TET1: variants seen among roughly 807,000 people sequenced by gnomAD.
The protein encoded by TET1 is methylcytosine dioxygenase TET1.
Under a neutral mutation model 148.7 loss-of-function variants are expected in TET1, and 13 were observed. That is an observed-to-expected ratio of 0.09 (90% CI 0.06 to 0.14). The LOEUF is 0.14. TET1 is among the 10% of genes least tolerant of loss of function. TET1 has a pLI of 1.00. For synonymous variants in TET1, 907 were observed against 937.2 expected (o/e 0.97, Z 0.59); for missense variants, 2,182 against 2,553.8 (o/e 0.85, Z 3.14).
intron 8 of TET1, among the ~76,000 whole-genome samples, chr10:68,679,696 CAG>C (rs2055410445): frequency 1.3e-5 from 2 of 152,030 alleles, no homozygotes; most frequent in African/African-American, 4.8e-5. Flanking sequence ...TTTTTTGAGA[CAG>C]AGTCTGGCTC....
intron 6 of TET1, among the ~76,000 whole-genome samples, chr10:68,659,436 A>G (rs989688383): frequency 1.3e-4 from 20 of 152,002 alleles, no homozygotes; most frequent in African/African-American, 4.1e-4. Context: ...CTCCAGCCTC[A>G]GCCTCTCGAG....
intron 3 of TET1, among the ~76,000 whole-genome samples, chr10:68,634,909 G>T (rs1007527032): frequency 6.6e-6 from 1 of 151,918 alleles, no homozygotes; most frequent in Non-Finnish European, 1.5e-5. Flanking sequence ...TTACAGGTGT[G>T]TGCCACCATG....
rs752525372 is a variant in TET1 at position 68,691,000 on chromosome 10, C to G, written c.5597C>G (p.Ala1866Gly). 1.9e-6 allele frequency: 3 copies of G among 1,614,220 alleles called. No individual in the cohort carries two copies. The highest frequency in any genetic ancestry group is 2.7e-5 in the African/African-American group (2 of 75,056). ...SATPAPLKNDATASCGFSERS... is the reference protein window; with the variant it reads ...SATPAPLKNDGTASCGFSERS... ...ACACCAGCTCCACTGAAGAATGACG[C>G]AACAGCCTCATGCGGGTTTTCAGAA... The change falls in exon 12 of 12, where the codon GCA (alanine) becomes GGA (glycine). Residue 1866 changes from alanine to glycine, a missense_variant. By Grantham distance (60) the Ala-to-Gly change is moderately conservative (BLOSUM62 0). Coordinates refer to ENST00000373644, the MANE Select transcript of TET1 (RefSeq NM_030625.3).
intron 2 of TET1, among the ~76,000 whole-genome samples, chr10:68,597,536 G>T (rs1028311935): frequency 2.6e-5 from 4 of 152,162 alleles, no homozygotes; most frequent in Non-Finnish European, 5.9e-5. Flanking sequence ...ATGTAAAATG[G>T]TGCGGCTGCT....
intron 8 of TET1, among the ~76,000 whole-genome samples, chr10:68,675,907 G>T (rs1327081287): frequency 6.6e-6 from 1 of 152,012 alleles, no homozygotes; most frequent in African/African-American, 2.4e-5. Context: ...CTAGGCTGAC[G>T]TGCAATGGCT....
intron 3 of TET1, among the ~76,000 whole-genome samples, chr10:68,627,908 C>A (rs2054510292): frequency 6.6e-6 from 1 of 152,026 alleles, no homozygotes; most frequent in South Asian, 2.1e-4. Flanking sequence ...TGCACTCCAG[C>A]CGGGGCGGCT....
At chr10:68,607,392 T>A (rs998814486) in intron 3 of TET1, among the ~76,000 whole-genome samples, 3 of 148,392 alleles carry the variant, frequency 2.0e-5, no homozygotes, top group African/African-American at 7.4e-5. Flanking sequence ...TTATTTAAGT[T>A]TTGTTTGGAT....
chr10:68,655,653 TTTTTTG>T (rs769257811), intron 6 of TET1, among the ~76,000 whole-genome samples: 6 of 152,342 alleles, frequency 3.9e-5, no homozygotes, highest in East Asian at 3.9e-4. Context: ...AGTGTATAGT[TTTTTTG>T]TTTTTGTTTT....
chr10:68,640,652 C>T (rs1430992676), intron 3 of TET1, among the ~76,000 whole-genome samples: 6 of 127,618 alleles, frequency 4.7e-5, no homozygotes, highest in Non-Finnish European at 9.5e-5. Flanking sequence ...CCCAGGTTCA[C>T]GCCATTCTCC....
intron 7 of TET1, among the ~76,000 whole-genome samples, chr10:68,671,212 C>G (rs950296240): frequency 5.3e-5 from 8 of 152,180 alleles, no homozygotes; most frequent in African/African-American, 1.9e-4. Context: ...CCTCCATCCT[C>G]AAGTAGGCCC....
intron 10 of TET1, among the ~76,000 whole-genome samples, chr10:68,685,791 G>A (rs1453265398): frequency 5.3e-5 from 8 of 152,104 alleles, no homozygotes; most frequent in African/African-American, 1.9e-4. Flanking sequence ...TATTGATATG[G>A]CTCCTCACTG....
chr10:68,660,001 T>G (rs1331515034), intron 6 of TET1, among the ~76,000 whole-genome samples: 2 of 152,148 alleles, frequency 1.3e-5, no homozygotes, highest in Non-Finnish European at 2.9e-5. Flanking sequence ...CCACTATAAT[T>G]TTGTTTTGAA....
At position 68,669,015 on chromosome 10, in the gene TET1, A is replaced by T. The variant is rs532202307; in HGVS notation, c.4673+1759A>T. ...AGAGAGAGAGAACTTCATGGGCCTG[A>T]TGTACTGGCTCATGCCTGATCAAAG... On this transcript the variant is annotated intron_variant, in intron 7 of 11. Coordinates refer to ENST00000373644, the MANE Select transcript of TET1 (RefSeq NM_030625.3). Among the ~76,000 whole-genome samples, 24 of 151,606 alleles carry T rather than the reference A, an allele frequency of 1.6e-4. No homozygotes were observed. The Middle Eastern group carries it at 0.01, about 64-fold the overall frequency.
intron 3 of TET1, among the ~76,000 whole-genome samples, chr10:68,637,518 C>CTTTTTTTT (rs34260111): frequency 3.2e-4 from 34 of 106,242 alleles, no homozygotes; most frequent in Non-Finnish European, 3.9e-4. Context: ...GTTTCCTATT[C>CTTTTTTTT]TTTTTTTTTT....
At chr10:68,659,961 T>C (rs1378394633) in intron 6 of TET1, among the ~76,000 whole-genome samples, 5 of 152,230 alleles carry the variant, frequency 3.3e-5, no homozygotes, top group East Asian at 1.9e-4. Context: ...CTTTAAATGA[T>C]GTTAACTGGT....
At chr10:68,632,579 C>G (rs1225242194) in intron 3 of TET1, 1 of 1,598,738 alleles carries the variant, frequency 6.3e-7, no homozygotes, top group East Asian at 2.2e-5. Flanking sequence ...ATCTTGGTGA[C>G]TTTGGGATGC....
chr10:68,687,816 T>C (rs891115098), intron 11 of TET1, among the ~76,000 whole-genome samples: 6 of 152,230 alleles, frequency 3.9e-5, no homozygotes, highest in African/African-American at 1.4e-4. Context: ...CTGGAACTCC[T>C]GGACTCAAAT....
chr10:68,690,743 T>C, intron 11 of TET1, 65 bp from the exon 12 acceptor site: 1 of 1,488,380 alleles, frequency 6.7e-7, no homozygotes, highest in Non-Finnish European at 9.0e-7. Context: ...TGAAAATACT[T>C]TTTAAAAGGC....
intron 6 of TET1, among the ~76,000 whole-genome samples, chr10:68,661,161 C>CT (rs1382923880): frequency 6.8e-6 from 1 of 147,856 alleles, no homozygotes; most frequent in Non-Finnish European, 1.5e-5. Context: ...TCCCGAGTAG[C>CT]TGGGACTACA....
Sources: gnomAD v4.1 joint callset for allele counts (sites outside exome capture counted in the v4.1 genomes callset) on GRCh38, gnomAD v4.1.1 for gene constraint, MANE v1.5 for transcripts, NCBI Gene and HGNC (gene_info 2026-07-23, HGNC 2026-07-21) for gene names.